Variants in DLG2 observed in about 807,000 individuals in gnomAD.
The protein encoded by DLG2 is discs large MAGUK scaffold protein 2, also known as disks large homolog 2.
Under a neutral mutation model 132.5 loss-of-function variants are expected in DLG2, and 45 were observed. The ratio of observed to expected loss-of-function variants is 0.34; its 90% CI spans 0.27 to 0.44. The LOEUF is 0.44. Among genes scored for constraint, DLG2 ranks in the 20% least tolerant of loss-of-function variants. The probability of loss-of-function intolerance (pLI) is 1.00; values close to 1 mark genes in which losing one functional copy is unlikely to be tolerated. For synonymous variants in DLG2, 424 were observed against 419.6 expected (o/e 1.01, Z -0.13); for missense variants, 1,045 against 1,196.9 (o/e 0.87, Z 1.87).
At chr11:84,331,737 G>C (rs536099145) in intron 7 of DLG2, among the ~76,000 whole-genome samples, 1 of 152,194 alleles carries the variant, frequency 6.6e-6, no homozygotes, top group East Asian at 1.9e-4. Context: ...TATTCATTTA[G>C]GCCTGCTGGG....
Position 83,794,436 on chromosome 11 carries a change from G to GTTTTTTTTTT in DLG2, c.1723-7645_1723-7644insAAAAAAAAAA, listed in dbSNP as rs1566986420. ...GACACAGCCTCATATATTTACTATT[G>GTTTTTTTTTT]GTTTTTTTTTTTTTTTTTTTTTTTT... On this transcript the variant is annotated intron_variant, in intron 17 of 27. Transcript: ENST00000376104. Among the ~76,000 whole-genome samples, 9 of 90,002 alleles carry GTTTTTTTTTT rather than the reference G, an allele frequency of 1.0e-4. 1 individual carries two copies. Among genetic ancestry groups the GTTTTTTTTTT allele is most frequent in the African/African-American group, 4.5e-4 (9 of 20,028 alleles). 59.0% of individuals were successfully genotyped at this position (90,002 alleles called of 152,430 possible).
intron 7 of DLG2, among the ~76,000 whole-genome samples, chr11:84,311,848 G>T (rs1216064450): frequency 1.3e-5 from 2 of 152,092 alleles, no homozygotes; most frequent in East Asian, 3.9e-4. Context: ...CAGGCACCAA[G>T]GTGTTACATG....
intron 14 of DLG2, among the ~76,000 whole-genome samples, chr11:83,940,282 G>A (rs1015713093): frequency 6.6e-6 from 1 of 152,170 alleles, no homozygotes; most frequent in Admixed American, 6.5e-5. Context: ...ACACCTGATT[G>A]TAGATTTTTC....
chr11:84,633,429 G>A (rs2099635465), intron 6 of DLG2, among the ~76,000 whole-genome samples: 2 of 151,882 alleles, frequency 1.3e-5, no homozygotes, highest in African/African-American at 4.8e-5. Context: ...CTGCAACACA[G>A]GTTTCTGGGG....
intron 3 of DLG2, among the ~76,000 whole-genome samples, chr11:85,457,776 G>A (rs2092469093): frequency 6.6e-6 from 1 of 152,092 alleles, no homozygotes; most frequent in African/African-American, 2.4e-5. Context: ...TTCTCCTCTG[G>A]CTTGTAGGGT....
At chr11:84,068,829 A>T (rs2096715513) in intron 10 of DLG2, among the ~76,000 whole-genome samples, 1 of 152,204 alleles carries the variant, frequency 6.6e-6, no homozygotes, top group Admixed American at 6.5e-5. Context: ...TGAAAAGTAG[A>T]TATTGTCGCC....
chr11:83,629,964 C>T (rs1176356098), intron 19 of DLG2, among the ~76,000 whole-genome samples: 2 of 152,106 alleles, frequency 1.3e-5, no homozygotes, highest in South Asian at 2.1e-4. Context: ...GCAGGAAATA[C>T]ACAATACAAG....
At chr11:84,500,502 G>C (rs1284615175) in intron 7 of DLG2, among the ~76,000 whole-genome samples, 3 of 152,160 alleles carry the variant, frequency 2.0e-5, no homozygotes, top group Admixed American at 6.5e-5. Context: ...GGTCTTGATA[G>C]AAGAAACTGC....
chr11:84,420,657 T>G, intron 7 of DLG2, among the ~76,000 whole-genome samples: 1 of 39,812 alleles, frequency 2.5e-5, no homozygotes, highest in African/African-American at 1.5e-4. Flanking sequence ...TTTCTTTTTT[T>G]TTTTTTTTTT....
intron 3 of DLG2, among the ~76,000 whole-genome samples, chr11:85,391,934 C>G (rs751543021): frequency 1.3e-5 from 2 of 151,952 alleles, no homozygotes; most frequent in Non-Finnish European, 2.9e-5. Flanking sequence ...GAAGCCCTAG[C>G]CAGAGCAATG....
At chr11:84,930,468 C>G (rs942273840) in intron 6 of DLG2, among the ~76,000 whole-genome samples, 1 of 152,074 alleles carries the variant, frequency 6.6e-6, no homozygotes, top group African/African-American at 2.4e-5. Context: ...ATAATCCTAC[C>G]CTGTTCTTTG....
rs560754912 is a variant in DLG2 at position 85,341,367 on chromosome 11, G to A, written c.41-56002C>T. Among the ~76,000 whole-genome samples the A allele has an allele frequency of 1.4e-4, 22 of 152,210 alleles. 1 individual carries two copies. Among genetic ancestry groups the A allele is most frequent in the Admixed American group, 5.2e-4 (8 of 15,288 alleles). On this transcript the variant is annotated intron_variant, in intron 3 of 27. Transcript: ENST00000376104. ...CATCTCCTGACCTCGTGATCTGCCC[G>A]CCTGGGCCTCCCAAAGTGCTGGGAT...
intron 6 of DLG2, among the ~76,000 whole-genome samples, chr11:84,723,994 T>G (rs1326047568): frequency 6.6e-6 from 1 of 152,148 alleles, no homozygotes; most frequent in Non-Finnish European, 1.5e-5. Context: ...AATCAGAAAC[T>G]GGGACACAGT....
chr11:83,670,042 T>C (rs2076576033), intron 18 of DLG2, among the ~76,000 whole-genome samples: 1 of 152,342 alleles, frequency 6.6e-6, no homozygotes, highest in South Asian at 2.1e-4. Context: ...CAGTGATGTA[T>C]ACTGTGGTGG....
chr11:85,384,220 A>C (rs1471565575), intron 3 of DLG2, among the ~76,000 whole-genome samples: 1 of 152,168 alleles, frequency 6.6e-6, no homozygotes, highest in Admixed American at 6.5e-5. Context: ...TCTCTTATAG[A>C]TGAAGAAATT....
rs1278136660 is a variant in DLG2, at chr11:83,455,906, G to A, written c.*3912C>T. ...ACTTAGGAATTAGCCTGAGTCCTTG[G>A]CTTAAATATATTTGTAGGAATTTAG... On this transcript the variant is annotated 3_prime_UTR_variant, in exon 28 of 28. Transcript: ENST00000376104. 6.6e-6 allele frequency: 1 copy of A among 152,384 alleles called. No individual in the cohort carries two copies. Among genetic ancestry groups the A allele is most frequent in the Non-Finnish European group, 1.5e-5 (1 of 68,040 alleles). 9.4% of individuals were successfully genotyped at this position (152,384 alleles called of 1,614,324 possible).
At chr11:85,297,951 C>T (rs2079344008) in intron 3 of DLG2, among the ~76,000 whole-genome samples, 1 of 152,058 alleles carries the variant, frequency 6.6e-6, no homozygotes. Context: ...GAGTTAAAAC[C>T]TGAGTAGTAT....
chr11:83,655,560 G>T (rs376262035), intron 18 of DLG2, among the ~76,000 whole-genome samples: 1 of 152,182 alleles, frequency 6.6e-6, no homozygotes, highest in Non-Finnish European at 1.5e-5. Flanking sequence ...GTAACCCTGA[G>T]AGTTTATGTG....
At chr11:83,558,848 CGT>C (rs3039336) in intron 19 of DLG2, among the ~76,000 whole-genome samples, 9,818 of 141,926 alleles carry the variant, frequency 0.069, 289 homozygotes, top group Non-Finnish European at 0.082. Flanking sequence ...TGCTAGATGT[CGT>C]GTGTGTGTGT....
Sources: allele counts gnomAD v4.1 joint callset (sites outside exome capture counted in the v4.1 genomes callset), GRCh38; gene constraint gnomAD v4.1.1; transcripts MANE v1.5; gene names NCBI Gene and HGNC (gene_info 2026-07-23, HGNC 2026-07-21).